The following CACNA2D3 variants were observed in gnomAD, a reference collection of about 807,000 sequenced individuals.
CACNA2D3 encodes the protein voltage-dependent calcium channel subunit alpha-2/delta-3.
A neutral mutation model predicts 160.6 loss-of-function variants in CACNA2D3; 60 were observed. That is an observed-to-expected ratio of 0.37 (90% confidence interval 0.30 to 0.46). The LOEUF (loss-of-function observed/expected upper bound fraction) is 0.46, where lower values mean the gene tolerates loss of function less well. Among genes scored for constraint, CACNA2D3 ranks in the 20% least tolerant of loss-of-function variants. The pLI is 1.00. For synonymous variants in CACNA2D3, 558 were observed against 492.9 expected (o/e 1.13, Z -1.75); for missense variants, 1,205 against 1,365.0 (o/e 0.88, Z 1.85).
intron 29 of CACNA2D3, 80 bp from the exon 30 acceptor site, chr3:54,984,528 G>T (rs991682788): frequency 2.5e-6 from 2 of 792,284 alleles, no homozygotes; most frequent in African/African-American, 3.5e-5. Flanking sequence ...GGTTGGAAGT[G>T]TGTCATTCTG....
chr3:54,699,942 CA>C (rs1700736622), intron 11 of CACNA2D3, among the ~76,000 whole-genome samples: 2 of 152,132 alleles, frequency 1.3e-5, no homozygotes, highest in African/African-American at 4.8e-5. Flanking sequence ...CCATATTAAC[CA>C]TGAGGTTAAA....
chr3:55,073,940 G>GAAAAGTTCACTCATGAGAAAA (rs1472092017), intron 37 of CACNA2D3, 81 bp downstream of exon 37: 181 of 1,255,020 alleles, frequency 1.4e-4, no homozygotes, highest in Middle Eastern at 1.1e-3. Context: ...AACTACAGCT[G>GAAAAGTTCACTCATGAGAAAA]AAAAGTTCAC....
intron 6 of CACNA2D3, among the ~76,000 whole-genome samples, chr3:54,566,385 A>AG (rs1383872736): frequency 2.6e-5 from 4 of 152,196 alleles, no homozygotes; most frequent in Non-Finnish European, 5.9e-5. Flanking sequence ...AGAGGATCAA[A>AG]GGGCTGCACA....
intron 8 of CACNA2D3, among the ~76,000 whole-genome samples, chr3:54,571,274 T>G (rs1484935126): frequency 6.6e-6 from 1 of 152,144 alleles, no homozygotes. Context: ...GAGAATAGGT[T>G]GTAAAATATT....
intron 35 of CACNA2D3, among the ~76,000 whole-genome samples, chr3:55,024,693 C>T (rs1703528697): frequency 6.6e-6 from 1 of 152,048 alleles, no homozygotes; most frequent in Non-Finnish European, 1.5e-5. Context: ...AAATTACCCA[C>T]TCTGAGATAT....
intron 14 of CACNA2D3, among the ~76,000 whole-genome samples, chr3:54,819,460 C>T (rs917272678): frequency 6.6e-6 from 1 of 152,208 alleles, no homozygotes; most frequent in Non-Finnish European, 1.5e-5. Flanking sequence ...GACCTCTGCC[C>T]AATGTTTTGT....
At chr3:54,788,003 A>G (rs1702673064) in intron 13 of CACNA2D3, among the ~76,000 whole-genome samples, 1 of 152,190 alleles carries the variant, frequency 6.6e-6, no homozygotes, top group Non-Finnish European at 1.5e-5. Flanking sequence ...ATAGTCTTCC[A>G]CTTATTAGCA....
chr3:54,405,398 G>A (rs1699557384), intron 4 of CACNA2D3, among the ~76,000 whole-genome samples: 1 of 151,664 alleles, frequency 6.6e-6, no homozygotes. Flanking sequence ...ATAGGATAGA[G>A]AGCCCAGAAA....
intron 2 of CACNA2D3, among the ~76,000 whole-genome samples, chr3:54,232,584 C>T (rs932111089): frequency 1.3e-5 from 2 of 152,144 alleles, no homozygotes; most frequent in Admixed American, 1.3e-4. Flanking sequence ...GCGTCCTGAG[C>T]CCCACCCCTG....
chr3:54,742,592 G>C (rs1215620765), intron 11 of CACNA2D3, among the ~76,000 whole-genome samples: 2 of 152,178 alleles, frequency 1.3e-5, no homozygotes, highest in East Asian at 3.9e-4. Flanking sequence ...TCCATGAAAT[G>C]ATGCCGTCTG....
intron 3 of CACNA2D3, 121 bp downstream of exon 3, chr3:54,320,679 C>A: frequency 1.9e-6 from 1 of 540,010 alleles, no homozygotes; most frequent in Non-Finnish European, 3.2e-6. Flanking sequence ...TACGTAAATA[C>A]TTTTATTTTT....
chr3:54,333,733 C>T (rs544394591), intron 3 of CACNA2D3, among the ~76,000 whole-genome samples: 1 of 152,306 alleles, frequency 6.6e-6, no homozygotes, highest in South Asian at 2.1e-4. Flanking sequence ...TTTTAATTTT[C>T]AGCTACATTT....
intron 13 of CACNA2D3, among the ~76,000 whole-genome samples, chr3:54,801,988 A>C (rs1308291108): frequency 1.3e-5 from 2 of 152,196 alleles, no homozygotes; most frequent in Admixed American, 6.5e-5. Flanking sequence ...ATGCAGCAAA[A>C]ATTAGAATGA....
intron 2 of CACNA2D3, among the ~76,000 whole-genome samples, chr3:54,276,395 C>G (rs140035075): frequency 1.4e-3 from 219 of 152,128 alleles, no homozygotes; most frequent in African/African-American, 5.1e-3. Context: ...ACGGCGAAAC[C>G]CTGTCTCTAC....
chr3:54,281,614 G>A (rs1702883817), intron 2 of CACNA2D3, among the ~76,000 whole-genome samples: 1 of 152,206 alleles, frequency 6.6e-6, no homozygotes, highest in Admixed American at 6.5e-5. Context: ...ACCTCAGAGA[G>A]CCACAGAAAG....
intron 2 of CACNA2D3, among the ~76,000 whole-genome samples, chr3:54,185,941 C>G (rs537860630): frequency 2.0e-5 from 3 of 152,172 alleles, no homozygotes; most frequent in Non-Finnish European, 4.4e-5. Context: ...AAGCATCTCT[C>G]CCTCAGAGGT....
intron 33 of CACNA2D3, among the ~76,000 whole-genome samples, chr3:55,008,228 ATGGG>A (rs564435232): frequency 4.1e-4 from 62 of 152,300 alleles, no homozygotes; most frequent in African/African-American, 1.3e-3. Context: ...CTGTGCAGGA[ATGGG>A]TGCCTGTGAG....
chr3:54,952,385 G>T (rs1244048968), intron 27 of CACNA2D3, among the ~76,000 whole-genome samples: 1 of 152,094 alleles, frequency 6.6e-6, no homozygotes, highest in Non-Finnish European at 1.5e-5. Context: ...AAACATGAAG[G>T]GTCTGGAGGC....
chr3:54,721,955 C>G (rs1391408584), intron 11 of CACNA2D3, among the ~76,000 whole-genome samples: 2 of 151,962 alleles, frequency 1.3e-5, no homozygotes, highest in Admixed American at 6.6e-5. Flanking sequence ...GAATGTTGGC[C>G]TGTCTTGCTA....
Sources: gnomAD v4.1 joint callset for allele counts (sites outside exome capture counted in the v4.1 genomes callset) on GRCh38, gnomAD v4.1.1 for gene constraint, MANE v1.5 for transcripts, NCBI Gene and HGNC (gene_info 2026-07-23, HGNC 2026-07-21) for gene names.